The following HIVEP3 variants were observed in gnomAD, a reference collection of about 807,000 sequenced individuals.
HIVEP3 encodes the protein HIVEP zinc finger 3, also known as transcription factor HIVEP3.
HIVEP3 carries 49 observed loss-of-function variants against 152.8 expected under a neutral mutation model. That is an observed-to-expected ratio of 0.32 (90% CI 0.26 to 0.41). The LOEUF is 0.41. Ranked by LOEUF, HIVEP3 falls within the 10% of genes least tolerant of loss-of-function variation. HIVEP3 has a pLI of 1.00. For synonymous variants in HIVEP3, 1,269 were observed against 1,289.0 expected (o/e 0.98, Z 0.33); for missense variants, 2,790 against 3,103.3 (o/e 0.90, Z 2.40).
chr1:41,931,832 T>C (rs1042153172), intron 1 of HIVEP3, among the ~76,000 whole-genome samples: 1 of 152,048 alleles, frequency 6.6e-6, no homozygotes, highest in African/African-American at 2.4e-5. Context: ...AACTCACTTA[T>C]TAGTCCTAGA....
chr1:41,990,675 C>T (rs1424431800), intron 1 of HIVEP3, among the ~76,000 whole-genome samples: 1 of 151,694 alleles, frequency 6.6e-6, no homozygotes, highest in Non-Finnish European at 1.5e-5. Flanking sequence ...CAGAACTCTC[C>T]ACCACAAATC....
chr1:41,830,435 T>C (rs924068662), intron 1 of HIVEP3, among the ~76,000 whole-genome samples: 8 of 152,220 alleles, frequency 5.3e-5, no homozygotes, highest in African/African-American at 1.9e-4. Flanking sequence ...TGGTGGATGC[T>C]GCGGTACTGC....
Position 41,584,732 on chromosome 1 carries a change from G to T in HIVEP3, c.66C>A (p.Thr22=). The T allele has an allele frequency of 6.5e-7, 1 of 1,528,536 alleles. No individual in the cohort carries two copies. Among genetic ancestry groups the T allele is most frequent in the Non-Finnish European group, 8.8e-7 (1 of 1,140,704 alleles). 94.7% of individuals were successfully genotyped at this position (1,528,536 alleles called of 1,614,324 possible). ...CACTGGTCTGAATGGCCTCTCCTTT[G>T]GTCAGCCGCTTCCGGGGACTTCCCT... The part of the protein sequence containing the change: ...KAEGSPRKRL[T]KGEAIQTSVS... Residue 22 remains threonine, a synonymous_variant, in exon 4 of 9, where the codon ACC becomes ACA. Coordinates refer to ENST00000372583, the MANE Select transcript of HIVEP3 (RefSeq NM_024503.5). This position sits in a 1 kb window ranked among gnomAD's most constrained non-coding sequence, Gnocchi z 5.2.
chr1:41,901,433 G>C (rs1316855148), intron 1 of HIVEP3, among the ~76,000 whole-genome samples: 1 of 152,092 alleles, frequency 6.6e-6, no homozygotes, highest in Non-Finnish European at 1.5e-5. Flanking sequence ...AGACTACATT[G>C]TAAGAAGAGA....
chr1:41,577,987 T>A (rs1459267276), intron 4 of HIVEP3, among the ~76,000 whole-genome samples: 1 of 152,236 alleles, frequency 6.6e-6, no homozygotes, highest in Middle Eastern at 3.2e-3. Flanking sequence ...TATAAATAAA[T>A]AATTGCCGAA....
intron 1 of HIVEP3, among the ~76,000 whole-genome samples, chr1:41,936,390 T>TG (rs1413155382): frequency 6.6e-6 from 1 of 152,104 alleles, no homozygotes; most frequent in East Asian, 1.9e-4. Flanking sequence ...GAGGTGGAGA[T>TG]GGAGGGATCA....
intron 1 of HIVEP3, among the ~76,000 whole-genome samples, chr1:41,886,084 T>C (rs1421538963): frequency 1.3e-5 from 2 of 152,192 alleles, no homozygotes; most frequent in Non-Finnish European, 2.9e-5. Flanking sequence ...AGTAGTAAGA[T>C]ATTTTAACTG....
intron 1 of HIVEP3, among the ~76,000 whole-genome samples, chr1:41,796,534 C>T (rs1053625761): frequency 1.3e-5 from 2 of 152,244 alleles, no homozygotes; most frequent in Non-Finnish European, 2.9e-5. Flanking sequence ...TTACAGAAGG[C>T]ACTCGATTCA....
At chr1:41,813,080 C>T (rs1651063368) in intron 1 of HIVEP3, among the ~76,000 whole-genome samples, 1 of 152,132 alleles carries the variant, frequency 6.6e-6, no homozygotes, top group South Asian at 2.1e-4. Flanking sequence ...GCTCTGAAGC[C>T]TAGGCTGGAG....
chr1:41,598,087 C>T (rs528223848), intron 3 of HIVEP3, among the ~76,000 whole-genome samples: 6 of 152,188 alleles, frequency 3.9e-5, no homozygotes, highest in Non-Finnish European at 7.3e-5. Flanking sequence ...CTTAAATGGT[C>T]CAGGAAGTGC....
At chr1:41,936,018 G>C (rs1025468639) in intron 1 of HIVEP3, among the ~76,000 whole-genome samples, 14 of 151,942 alleles carry the variant, frequency 9.2e-5, no homozygotes, top group Non-Finnish European at 1.5e-5. Context: ...TAAGATAGCA[G>C]ACTACATAGG....
chr1:41,731,627 C>T (rs1283024042), intron 1 of HIVEP3, among the ~76,000 whole-genome samples: 4 of 152,224 alleles, frequency 2.6e-5, no homozygotes, highest in Non-Finnish European at 5.9e-5. Context: ...TCTGCCATGT[C>T]AAACAGCCTA....
intron 3 of HIVEP3, among the ~76,000 whole-genome samples, chr1:41,619,833 T>C (rs1645021269): frequency 6.6e-6 from 1 of 152,060 alleles, no homozygotes; most frequent in African/African-American, 2.4e-5. Flanking sequence ...GTAGAGCAGC[T>C]CCAAAATAGG....
At chr1:42,018,552 C>A (rs781646439) in intron 1 of HIVEP3, among the ~76,000 whole-genome samples, 2 of 152,002 alleles carry the variant, frequency 1.3e-5, no homozygotes, top group Non-Finnish European at 2.9e-5. Context: ...TTTCTAAATT[C>A]TCTAATCTGT....
chr1:41,721,888 T>C (rs1646678625), intron 1 of HIVEP3, among the ~76,000 whole-genome samples: 1 of 152,242 alleles, frequency 6.6e-6, no homozygotes, highest in Non-Finnish European at 1.5e-5. Context: ...AGGTGTGCCC[T>C]GGGTAGCACA....
At chr1:41,703,068 T>G (rs1646386481) in intron 1 of HIVEP3, among the ~76,000 whole-genome samples, 1 of 152,214 alleles carries the variant, frequency 6.6e-6, no homozygotes, top group African/African-American at 2.4e-5. Context: ...ACGAAAATTT[T>G]GAGAAGAAGA....
intron 1 of HIVEP3, among the ~76,000 whole-genome samples, chr1:41,802,083 A>G (rs942198216): frequency 1.6e-4 from 25 of 152,240 alleles, no homozygotes; most frequent in South Asian, 2.1e-4. Flanking sequence ...ACTCTGCTCA[A>G]TGCTGGACTG....
At chr1:42,007,594 C>T (rs1359712976) in intron 1 of HIVEP3, among the ~76,000 whole-genome samples, 2 of 152,166 alleles carry the variant, frequency 1.3e-5, no homozygotes, top group African/African-American at 2.4e-5. Flanking sequence ...AGTGTGATAG[C>T]AACATGTGAG....
At chr1:42,035,421 T>G (rs976307625) in intron 1 of HIVEP3, among the ~76,000 whole-genome samples, 1 of 152,232 alleles carries the variant, frequency 6.6e-6, no homozygotes, top group Non-Finnish European at 1.5e-5. Flanking sequence ...AACAAACCCC[T>G]GACCACAAAG....
Sources: gnomAD v4.1 joint callset for allele counts (sites outside exome capture counted in the v4.1 genomes callset) on GRCh38, gnomAD v4.1.1 for gene constraint, Gnocchi (gnomAD v3.1) non-coding constraint, MANE v1.5 for transcripts, NCBI Gene and HGNC (gene_info 2026-07-23, HGNC 2026-07-21) for gene names.